CCDC178: variants seen among roughly 807,000 people sequenced by gnomAD.
The protein encoded by CCDC178 is coiled-coil domain-containing protein 178.
CCDC178 carries 126 observed loss-of-function variants against 117.4 expected under a neutral mutation model. That is an observed-to-expected ratio of 1.07 (90% CI 0.93 to 1.24). The LOEUF is 1.24. Ranked by LOEUF, CCDC178 falls within the 50% of genes most tolerant of loss-of-function variation. The probability of loss-of-function intolerance (pLI) is 0.00; values close to 1 mark genes in which losing one functional copy is unlikely to be tolerated. For missense variants in CCDC178, 1,030 were observed against 986.9 expected, an observed-to-expected ratio of 1.04 and a Z score of -0.59; for synonymous variants, 283 against 313.4, an observed-to-expected ratio of 0.90 and a Z score of 1.02.
intron 21 of CCDC178, among the ~76,000 whole-genome samples, chr18:33,045,752 C>A (rs2056630524): frequency 6.6e-6 from 1 of 152,116 alleles, no homozygotes; most frequent in Admixed American, 6.6e-5. Context: ...TTAGTAGTTA[C>A]CAGTTTTCCA....
intron 6 of CCDC178, among the ~76,000 whole-genome samples, chr18:33,369,787 T>C (rs952762212): frequency 6.6e-6 from 1 of 151,962 alleles, no homozygotes; most frequent in African/African-American, 2.4e-5. Flanking sequence ...TTATGGAAAT[T>C]ACTACTTAGC....
intron 20 of CCDC178, among the ~76,000 whole-genome samples, chr18:33,150,817 T>C (rs2058332358): frequency 6.6e-6 from 1 of 152,162 alleles, no homozygotes; most frequent in South Asian, 2.1e-4. Flanking sequence ...GAAAAAGACA[T>C]ATGCACACGG....
intron 2 of CCDC178, among the ~76,000 whole-genome samples, chr18:33,429,419 G>A (rs914529924): frequency 4.0e-5 from 6 of 151,722 alleles, no homozygotes; most frequent in African/African-American, 7.3e-5. Context: ...GTCAGTCTTC[G>A]GTAACCAGTA....
At chr18:33,110,015 G>T (rs1371683271) in intron 20 of CCDC178, among the ~76,000 whole-genome samples, 1 of 151,338 alleles carries the variant, frequency 6.6e-6, no homozygotes, top group East Asian at 2.0e-4. Flanking sequence ...TTTAAAAAAA[G>T]ACTACACCTA....
chr18:33,183,060 A>G (rs2058748935), intron 20 of CCDC178, among the ~76,000 whole-genome samples: 1 of 151,834 alleles, frequency 6.6e-6, no homozygotes, highest in Admixed American at 6.6e-5. Context: ...TTCTATCTTG[A>G]TAAATCTGGT....
chr18:33,361,672 TA>T, intron 6 of CCDC178, among the ~76,000 whole-genome samples: 1 of 151,660 alleles, frequency 6.6e-6, no homozygotes, highest in Non-Finnish European at 1.5e-5. Context: ...CTTCAAAAAA[TA>T]TATAAATGGA....
intron 21 of CCDC178, among the ~76,000 whole-genome samples, chr18:33,016,886 T>C (rs1172066787): frequency 2.0e-5 from 3 of 151,302 alleles, no homozygotes; most frequent in African/African-American, 7.3e-5. Context: ...CTTAGCAAAA[T>C]GACAGATGCA....
At chr18:33,235,739 T>C (rs1163565990) in intron 15 of CCDC178, among the ~76,000 whole-genome samples, 6 of 152,186 alleles carry the variant, frequency 3.9e-5, no homozygotes, top group Non-Finnish European at 8.8e-5. Flanking sequence ...TAGGAAGTAC[T>C]TAACAACTGG....
At chr18:32,992,599 T>C (rs955830372) in intron 21 of CCDC178, among the ~76,000 whole-genome samples, 2 of 152,174 alleles carry the variant, frequency 1.3e-5, no homozygotes, top group African/African-American at 4.8e-5. Context: ...TTGCACAGCA[T>C]GGTGACCACA....
chr18:33,174,433 G>C (rs1451171261), intron 20 of CCDC178, among the ~76,000 whole-genome samples: 1 of 152,144 alleles, frequency 6.6e-6, no homozygotes, highest in Non-Finnish European at 1.5e-5. Context: ...GAGTCCATTT[G>C]ATTCCAGAGC....
At chr18:33,306,717 T>C (rs1027388802) in intron 11 of CCDC178, among the ~76,000 whole-genome samples, 1 of 151,656 alleles carries the variant, frequency 6.6e-6, no homozygotes, top group African/African-American at 2.4e-5. Flanking sequence ...TCATGTGGAC[T>C]TAGTAATTGA....
chr18:33,406,679 T>C (rs1394782372), intron 3 of CCDC178, among the ~76,000 whole-genome samples: 2 of 152,136 alleles, frequency 1.3e-5, no homozygotes, highest in African/African-American at 4.8e-5. Context: ...AAATATTTCA[T>C]AGGTCTAAAT....
intron 20 of CCDC178, among the ~76,000 whole-genome samples, chr18:33,146,449 G>C (rs1344245535): frequency 6.6e-6 from 1 of 152,188 alleles, no homozygotes; most frequent in East Asian, 1.9e-4. Context: ...GAGCTCAGGA[G>C]TTTGAGACCA....
intron 9 of CCDC178, among the ~76,000 whole-genome samples, chr18:33,343,226 C>T (rs1273277070): frequency 6.6e-6 from 1 of 152,054 alleles, no homozygotes; most frequent in East Asian, 1.9e-4. Flanking sequence ...ACCTGAGGAG[C>T]CTGAGTCACA....
chr18:33,374,986 T>A (rs1016489751), intron 5 of CCDC178, among the ~76,000 whole-genome samples: 1 of 152,188 alleles, frequency 6.6e-6, no homozygotes, highest in Non-Finnish European at 1.5e-5. Context: ...GGGGCACGAA[T>A]GAACTTTCTG....
intron 9 of CCDC178, among the ~76,000 whole-genome samples, chr18:33,335,407 CAGTT>C (rs1395249847): frequency 1.3e-5 from 2 of 151,986 alleles, no homozygotes; most frequent in East Asian, 3.9e-4. Flanking sequence ...ACCAATTAGA[CAGTT>C]AGATTTTTGT....
chr18:33,338,747 A>G (rs1008687219), intron 9 of CCDC178, among the ~76,000 whole-genome samples: 1 of 152,084 alleles, frequency 6.6e-6, no homozygotes, highest in African/African-American at 2.4e-5. Flanking sequence ...GACTTGGAGC[A>G]AGTTTTGGGG....
At chr18:33,103,677 T>G (rs1016086100) in intron 20 of CCDC178, among the ~76,000 whole-genome samples, 1 of 151,580 alleles carries the variant, frequency 6.6e-6, no homozygotes, top group African/African-American at 2.4e-5. Flanking sequence ...TAAAATACCA[T>G]AAATCTTGCC....
At chr18:33,173,235 A>C (rs1473039539) in intron 20 of CCDC178, among the ~76,000 whole-genome samples, 1 of 152,080 alleles carries the variant, frequency 6.6e-6, no homozygotes, top group African/African-American at 2.4e-5. Context: ...TTTTTAGTAG[A>C]AACGGGTTTT....
Sources: allele counts gnomAD v4.1 joint callset (sites outside exome capture counted in the v4.1 genomes callset), GRCh38; gene constraint gnomAD v4.1.1; transcripts MANE v1.5; gene names NCBI Gene and HGNC (gene_info 2026-07-23, HGNC 2026-07-21).